CEP152: variants seen among roughly 807,000 people sequenced by gnomAD.
CEP152 encodes centrosomal protein 152, also known as centrosomal protein of 152 kDa.
In CEP152, 132 loss-of-function variants were observed where a neutral mutation model predicts 188.9. The observed-to-expected ratio is 0.70, with a 90% CI of 0.61 to 0.81. The LOEUF is 0.81. Ranked by LOEUF, CEP152 falls within the 30% of genes least tolerant of loss-of-function variation. The pLI, the probability that CEP152 is intolerant of heterozygous loss-of-function variation, is 0.00. For synonymous variants in CEP152, 649 were observed against 666.6 expected (o/e 0.97, Z 0.41); for missense variants, 1,914 against 1,969.8 (o/e 0.97, Z 0.54).
At chr15:48,796,285 T>TAC (rs1378472032) in intron 5 of CEP152, 125 bp from the exon 6 acceptor site, 4 of 717,616 alleles carry the variant, frequency 5.6e-6, no homozygotes, top group African/African-American at 4.8e-5. Flanking sequence ...GTTGTTTATA[T>TAC]ATATACACAC....
intron 1 of CEP152, chr15:48,810,282 C>G (rs115570199): frequency 1.3e-5 from 2 of 152,222 alleles, no homozygotes. Flanking sequence ...TTTAGACTTG[C>G]AACACCTGGT....
At chr15:48,774,625 A>C (rs535625920) in intron 12 of CEP152, among the ~76,000 whole-genome samples, 1 of 152,358 alleles carries the variant, frequency 6.6e-6, no homozygotes, top group Admixed American at 6.5e-5. Flanking sequence ...CACACATTCA[A>C]GTCTCACAAT....
intron 12 of CEP152, among the ~76,000 whole-genome samples, chr15:48,778,854 C>T (rs1896078537): frequency 6.6e-6 from 1 of 151,174 alleles, no homozygotes; most frequent in African/African-American, 2.4e-5. Context: ...GAGGCTGAGG[C>T]AGGAGAATTG....
chr15:48,800,772 C>T (rs1460161583), intron 2 of CEP152, among the ~76,000 whole-genome samples: 1 of 152,118 alleles, frequency 6.6e-6, no homozygotes, highest in Non-Finnish European at 1.5e-5. Flanking sequence ...AGATAATTTG[C>T]CACTCTAAGG....
intron 9 of CEP152, among the ~76,000 whole-genome samples, chr15:48,785,401 C>T (rs766775621): frequency 6.6e-6 from 1 of 151,740 alleles, no homozygotes; most frequent in Non-Finnish European, 1.5e-5. Context: ...CACACTGCTG[C>T]GAATTCCAGG....
At position 48,738,887 on chromosome 15, in the gene CEP152, G is replaced by C. The variant is rs1184470471; in HGVS notation, c.4495C>G (p.Leu1499Val). The C allele has an allele frequency of 1.2e-6, 2 of 1,614,226 alleles. No homozygotes were observed. Among genetic ancestry groups the C allele is most frequent in the South Asian group, 1.1e-5 (1 of 91,084 alleles). Residue 1499 changes from leucine (L) to valine (V), a missense_variant, in exon 27 of 27, where the codon CTT becomes GTT. By Grantham distance (32) the Leu-to-Val change is conservative. Coordinates refer to ENST00000380950, the MANE Select transcript of CEP152 (RefSeq NM_001194998.2). ...SLPHSAAYPF[L>V]GTLGNKPSPR... ...GAGGGTTTATTTCCTAAGGTTCCAA[G>C]AAAGGGGTATGCAGCTGAATGCGGA... is the stretch of plus-strand genomic sequence containing the variant.
In CEP152 at chr15:48,768,943, T is replaced by C. The variant is rs1374064380; in HGVS notation, c.1908+13A>G. On this transcript the variant is annotated intron_variant, in intron 14 of 26. Transcript: ENST00000380950. ...AAAAATTCTCATAAAATATAAAAAA[T>C]ATTTTTAATCACCTGATTTTGTTGT... The C allele has an allele frequency of 6.9e-7, 1 of 1,459,800 alleles. No individual in the cohort carries two copies. Among genetic ancestry groups the C allele is most frequent in the Non-Finnish European group, 9.4e-7 (1 of 1,066,708 alleles). 90.4% of individuals were successfully genotyped at this position (1,459,800 alleles called of 1,614,324 possible). A position where few individuals can be genotyped will look rare whatever the true frequency, so the allele number is the denominator to read the frequency against.
Position 48,797,653 on chromosome 15 carries a change from A to C in CEP152, c.261+8T>G, listed in dbSNP as rs373551458. 4.4e-5 allele frequency: 71 copies of C among 1,614,000 alleles called. No homozygotes were observed. Among genetic ancestry groups the C allele is most frequent in the Non-Finnish European group, 5.3e-5 (63 of 1,180,004 alleles). On this transcript the variant is annotated splice_region_variant and intron_variant, in intron 4 of 26. Coordinates refer to ENST00000380950, the MANE Select transcript of CEP152 (RefSeq NM_001194998.2). ...CTCACCAAAGTCATCATCACACCAG[A>C]TACTTACATTTACACTTTGAGATTT...
At chr15:48,733,569 C>T (rs1892496333), downstream of CEP152, among the ~76,000 whole-genome samples, 1 of 151,966 alleles carries the variant, frequency 6.6e-6, no homozygotes, top group African/African-American at 2.4e-5. Context: ...ATGAAAGCCC[C>T]AGAAAGAGGA....
chr15:48,792,193 T>C (rs964062646), intron 7 of CEP152, among the ~76,000 whole-genome samples: 3 of 152,132 alleles, frequency 2.0e-5, no homozygotes, highest in African/African-American at 4.8e-5. Context: ...GGTTTCACCA[T>C]GTTAGCCAGG....
chr15:48,772,584 T>G lies in CEP152; in HGVS notation c.1685A>C (p.His562Pro), dbSNP rs751499066. 3.7e-6 allele frequency: 6 copies of G among 1,614,112 alleles called. No individual in the cohort carries two copies. Among genetic ancestry groups the G allele is most frequent in the Admixed American group, 3.3e-5 (2 of 60,020 alleles). ...RLLGSNSMKR[H>P]LVSQLQNDLK... Reference sequence around the variant, plus strand: ...GTCATTTTGTAACTGAGACACCAGATGACGCTTCATTGAGTTGCTACCCAG... The same window carrying G: ...GTCATTTTGTAACTGAGACACCAGAGGACGCTTCATTGAGTTGCTACCCAG... Residue 562 changes from histidine to proline, a missense_variant, in exon 13 of 27, where the codon CAT becomes CCT. His to Pro is a moderately conservative substitution (Grantham distance 77). Transcript: ENST00000380950.
At chr15:48,784,185 A>G (rs931446884) in intron 9 of CEP152, 65 bp from the exon 10 acceptor site, 58 of 1,441,876 alleles carry the variant, frequency 4.0e-5, no homozygotes, top group Middle Eastern at 2.0e-4. Flanking sequence ...TAAACTAAAA[A>G]TTATGATACA....
intron 1 of CEP152, among the ~76,000 whole-genome samples, chr15:48,806,478 G>A (rs951545993): frequency 6.6e-6 from 1 of 151,366 alleles, no homozygotes; most frequent in East Asian, 1.9e-4. Flanking sequence ...CAACAAAAAA[G>A]TAGGCAGGTG....
At chr15:48,789,693 CAG>C (rs1021800090) in intron 8 of CEP152, among the ~76,000 whole-genome samples, 2 of 152,136 alleles carry the variant, frequency 1.3e-5, no homozygotes, top group African/African-American at 4.8e-5. Flanking sequence ...AAGTCAGAAC[CAG>C]AGAGACTCAA....
intron 16 of CEP152, 45 bp downstream of exon 16, chr15:48,767,290 T>A: frequency 3.1e-6 from 5 of 1,614,096 alleles, no homozygotes; most frequent in Non-Finnish European, 3.4e-6. Context: ...AATAGGGGAA[T>A]GTAGTCTCTA....
downstream of CEP152, among the ~76,000 whole-genome samples, chr15:48,735,980 T>C (rs1892582823): frequency 6.6e-6 from 1 of 152,040 alleles, no homozygotes; most frequent in Non-Finnish European, 1.5e-5. Context: ...TCAAGCCTAC[T>C]GAAATGAAAG....
downstream of CEP152, among the ~76,000 whole-genome samples, chr15:48,734,296 G>T (rs1376688592): frequency 6.6e-6 from 1 of 150,978 alleles, no homozygotes; most frequent in Non-Finnish European, 1.5e-5. Flanking sequence ...CTGGGGCAAA[G>T]TTGCTATATT....
intron 7 of CEP152, 78 bp from the exon 8 acceptor site, chr15:48,791,454 G>A (rs1185064204): frequency 1.2e-5 from 15 of 1,227,896 alleles, no homozygotes; most frequent in South Asian, 5.1e-5. Context: ...CAGATGTCAC[G>A]TCTGTATCAT....
At chr15:48,752,173 G>A (rs1893920240) in intron 21 of CEP152, among the ~76,000 whole-genome samples, 176 bp downstream of exon 21, 1 of 152,096 alleles carries the variant, frequency 6.6e-6, no homozygotes, top group African/African-American at 2.4e-5. Flanking sequence ...TAGAAGAAGA[G>A]GGCCTAAATT....
Sources: allele counts gnomAD v4.1 joint callset (sites outside exome capture counted in the v4.1 genomes callset), GRCh38; gene constraint gnomAD v4.1.1; transcripts MANE v1.5; gene names NCBI Gene and HGNC (gene_info 2026-07-23, HGNC 2026-07-21).